The following GALNT13 variants were observed in gnomAD, a reference collection of about 807,000 sequenced individuals.
GALNT13 encodes UDP-GalNAc:polypeptide N-acetylgalactosaminyltransferase 13.
A neutral mutation model predicts 64.2 loss-of-function variants in GALNT13; 28 were observed. That is an observed-to-expected ratio of 0.44 (90% CI 0.32 to 0.60). GALNT13 has a LOEUF of 0.60. Ranked by LOEUF, GALNT13 falls within the 20% of genes least tolerant of loss-of-function variation. The pLI is 0.05. For synonymous variants in GALNT13, 214 were observed against 224.6 expected, an observed-to-expected ratio of 0.95 and a Z score of 0.42; for missense variants, 577 against 669.8, an observed-to-expected ratio of 0.86 and a Z score of 1.53.
intron 2 of GALNT13, among the ~76,000 whole-genome samples, chr2:153,940,598 A>T (rs74362097): frequency 6.6e-6 from 1 of 152,064 alleles, no homozygotes; most frequent in Non-Finnish European, 1.5e-5. Context: ...TTTTCCTATC[A>T]GTTAGACCTG....
the GALNT13 span, among the ~76,000 whole-genome samples, chr2:153,811,534 G>A: frequency 4.0e-5 from 6 of 151,870 alleles, no homozygotes; most frequent in East Asian, 1.9e-4. Flanking sequence ...ATGTATTTTC[G>A]TATTAACTGT....
chr2:153,699,794 G>C, the GALNT13 span, among the ~76,000 whole-genome samples: 1 of 152,136 alleles, frequency 6.6e-6, no homozygotes, highest in Admixed American at 6.5e-5. Flanking sequence ...AAACCAGGAA[G>C]AAGTTGAATC....
the GALNT13 span, among the ~76,000 whole-genome samples, chr2:153,251,514 C>T: frequency 6.6e-6 from 1 of 151,902 alleles, no homozygotes; most frequent in African/African-American, 2.4e-5. Flanking sequence ...TACATGTGCA[C>T]AATGTGCAGG....
At chr2:153,260,630 T>C in the GALNT13 span, among the ~76,000 whole-genome samples, 1 of 152,210 alleles carries the variant, frequency 6.6e-6, no homozygotes, top group Non-Finnish European at 1.5e-5. Context: ...TATCATTTTT[T>C]ATCCTCGACC....
At chr2:153,457,265 A>G in the GALNT13 span, among the ~76,000 whole-genome samples, 486 of 152,312 alleles carry the variant, frequency 3.2e-3, 4 homozygotes, top group Non-Finnish European at 3.7e-3. Flanking sequence ...AAGTAGGTAA[A>G]TACTTTTAAA....
the GALNT13 span, among the ~76,000 whole-genome samples, chr2:153,068,808 C>G: frequency 6.6e-6 from 1 of 152,116 alleles, no homozygotes; most frequent in Non-Finnish European, 1.5e-5. Flanking sequence ...AACAGTGGTG[C>G]TTTAGGGGAG....
chr2:154,368,414 A>T (rs1697493659), intron 9 of GALNT13, among the ~76,000 whole-genome samples: 1 of 152,128 alleles, frequency 6.6e-6, no homozygotes, highest in Non-Finnish European at 1.5e-5. Flanking sequence ...TTCCCAAAGA[A>T]CCATGGCTGC....
chr2:153,391,889 C>T, the GALNT13 span, among the ~76,000 whole-genome samples: 8 of 150,868 alleles, frequency 5.3e-5, no homozygotes, highest in Non-Finnish European at 8.9e-5. Flanking sequence ...AGCCACATGC[C>T]GTCCAACTAA....
rs188250873 is a variant in GALNT13, at chr2:154,150,052, T to G, written c.311+9547T>G. Among the ~76,000 whole-genome samples, 131 of 152,314 alleles carry G rather than the reference T, an allele frequency of 8.6e-4. 1 individual carries two copies. Among genetic ancestry groups the G allele is most frequent in the African/African-American group, 3.0e-3 (124 of 41,578 alleles). On this transcript the variant is annotated intron_variant, in intron 4 of 12. Coordinates refer to ENST00000392825, the MANE Select transcript of GALNT13 (RefSeq NM_052917.4). ...CAGTTTTTGCCCATTCAGTATGATA[T>G]TCGCTGTGGGTTTGTCATAGATAGC...
intron 3 of GALNT13, among the ~76,000 whole-genome samples, chr2:153,975,433 T>C (rs1022371417): frequency 6.6e-6 from 1 of 152,090 alleles, no homozygotes; most frequent in Non-Finnish European, 1.5e-5. Flanking sequence ...TCCCATTCTC[T>C]TTATCACTTG....
chr2:154,242,150 C>A lies in GALNT13; in HGVS notation c.432C>A (p.His144Gln). ...TVYSVINRSP[H>Q]YLLSEVILVD... ...ACAGTGTGATAAATCGTTCCCCACACTATCTACTCTCAGAGGTCATCTTGG... is the reference window on the plus strand; with the variant it reads ...ACAGTGTGATAAATCGTTCCCCACAATATCTACTCTCAGAGGTCATCTTGG... Residue 144 changes from histidine to glutamine, a missense_variant, in exon 5 of 13, where the codon CAC becomes CAA. Physicochemically the swap from His to Gln is conservative, Grantham distance 24 (BLOSUM62 0). Around this residue, in one of 3 missense-constraint regions of GALNT13, gnomAD observed 341 missense variants for 379.3 expected, o/e 0.90. Coordinates refer to ENST00000392825, the MANE Select transcript of GALNT13 (RefSeq NM_052917.4). 6.2e-7 allele frequency: 1 copy of A among 1,613,012 alleles called. No individual in the cohort carries two copies. Among genetic ancestry groups the A allele is most frequent in the Non-Finnish European group, 8.5e-7 (1 of 1,179,548 alleles).
At chr2:153,366,919 G>A in the GALNT13 span, among the ~76,000 whole-genome samples, 11 of 151,560 alleles carry the variant, frequency 7.3e-5, no homozygotes, top group Admixed American at 2.6e-4. Context: ...CAGGAAGCAG[G>A]AACCATTATT....
At chr2:153,681,053 C>A in the GALNT13 span, among the ~76,000 whole-genome samples, 6 of 151,854 alleles carry the variant, frequency 4.0e-5, no homozygotes, top group African/African-American at 1.4e-4. Flanking sequence ...CAAAATGGTG[C>A]CAAGTCGGCC....
intron 9 of GALNT13, among the ~76,000 whole-genome samples, chr2:154,361,827 A>G (rs1697086663): frequency 6.6e-6 from 1 of 152,284 alleles, no homozygotes; most frequent in Admixed American, 6.5e-5. Flanking sequence ...AGTCTTGGGC[A>G]GTGATTTCTC....
At chr2:153,081,244 A>G in the GALNT13 span, among the ~76,000 whole-genome samples, 1 of 151,978 alleles carries the variant, frequency 6.6e-6, no homozygotes, top group Admixed American at 6.6e-5. Context: ...TTTGGTACAT[A>G]GTAGGTGTAT....
In GALNT13 at chr2:153,948,503, T is replaced by C. The variant is rs1359913953; in HGVS notation, c.142+3864T>C. 4.6e-5 allele frequency among the ~76,000 whole-genome samples: 7 copies of C among 152,078 alleles called. No individual in the cohort carries two copies. The East Asian group carries it at 1.3e-3, about 29-fold the overall frequency. Reference sequence around the variant, plus strand: ...ACTATTCAACCCAGCAATCCCATTATTGTATATACCCTAAGGAACATAAAT... The same window carrying C: ...ACTATTCAACCCAGCAATCCCATTACTGTATATACCCTAAGGAACATAAAT... On this transcript the variant is annotated intron_variant, in intron 3 of 12. Transcript: ENST00000392825.
the GALNT13 span, among the ~76,000 whole-genome samples, chr2:153,094,385 A>G: frequency 6.6e-6 from 1 of 152,214 alleles, no homozygotes; most frequent in South Asian, 2.1e-4. Flanking sequence ...ATGAAATAAA[A>G]GAGGACACAA....
chr2:153,998,068 A>G (rs1361496587), intron 3 of GALNT13, among the ~76,000 whole-genome samples: 1 of 152,016 alleles, frequency 6.6e-6, no homozygotes, highest in Non-Finnish European at 1.5e-5. Flanking sequence ...GTTGGTTCTA[A>G]GTCTTTGCTA....
At chr2:153,782,048 G>A in the GALNT13 span, among the ~76,000 whole-genome samples, 10 of 152,110 alleles carry the variant, frequency 6.6e-5, no homozygotes, top group Admixed American at 1.3e-4. Context: ...TGCTATTCTG[G>A]GTTGAATTTC....
Sources: allele counts gnomAD v4.1 joint callset (sites outside exome capture counted in the v4.1 genomes callset), GRCh38; gene constraint gnomAD v4.1.1; regional missense constraint gnomAD v4.1.1; transcripts MANE v1.5; gene names NCBI Gene and HGNC (gene_info 2026-07-23, HGNC 2026-07-21).